The following ATP9A variants were observed in gnomAD, a reference collection of about 807,000 sequenced individuals.
The protein encoded by ATP9A is probable phospholipid-transporting ATPase IIA.
A neutral mutation model predicts 144.1 loss-of-function variants in ATP9A; 52 were observed. The ratio of observed to expected loss-of-function variants is 0.36; its 90% confidence interval spans 0.29 to 0.45. The LOEUF is 0.45. ATP9A is among the 20% of genes least tolerant of loss of function. The pLI, the probability that ATP9A is intolerant of heterozygous loss-of-function variation, is 1.00. For synonymous variants in ATP9A, 582 were observed against 557.4 expected, an observed-to-expected ratio of 1.04 and a Z score of -0.62; for missense variants, 947 against 1,392.7, an observed-to-expected ratio of 0.68 and a Z score of 5.09.
chr20:51,601,472 T>C, intron 27 of ATP9A, 125 bp from the exon 28 acceptor site: 3 of 1,009,996 alleles, frequency 3.0e-6, no homozygotes, highest in Non-Finnish European at 4.2e-6. Flanking sequence ...CACAGCCTCC[T>C]GGCATTGGCC....
chr20:51,615,443 C>T (rs2077199484), intron 22 of ATP9A, among the ~76,000 whole-genome samples: 1 of 144,318 alleles, frequency 6.9e-6, no homozygotes, highest in African/African-American at 2.5e-5. Flanking sequence ...ACAAAATGTA[C>T]AGTGTGTTTT....
chr20:51,752,794 A>G (rs1409482896), intron 1 of ATP9A, among the ~76,000 whole-genome samples: 1 of 152,178 alleles, frequency 6.6e-6, no homozygotes, highest in Non-Finnish European at 1.5e-5. Flanking sequence ...AGGAAGGGCC[A>G]GGATTCAGAA....
At chr20:51,712,406 C>T (rs2077643634) in intron 4 of ATP9A, among the ~76,000 whole-genome samples, 2 of 152,278 alleles carry the variant, frequency 1.3e-5, no homozygotes, top group South Asian at 2.1e-4. Flanking sequence ...GAGCCCAATA[C>T]ATATAACTCT....
Position 51,721,817 on chromosome 20 carries a change from A to AAG in ATP9A, c.327+4001_327+4002insCT, listed in dbSNP as rs1568835903. Among the ~76,000 whole-genome samples, 5 of 144,208 alleles carry AAG rather than the reference A, an allele frequency of 3.5e-5. 1 individual carries two copies. Among genetic ancestry groups the AAG allele is most frequent in the Admixed American group, 7.0e-5 (1 of 14,242 alleles). The allele number at this position is 144,208 out of a possible 152,430, so 94.6% of individuals were successfully genotyped here. A position where few individuals can be genotyped will look rare whatever the true frequency, so the allele number is the denominator to read the frequency against. On this transcript the variant is annotated intron_variant, in intron 3 of 27. Coordinates refer to ENST00000338821, the MANE Select transcript of ATP9A (RefSeq NM_006045.3). ...CTCCATCTCAAAAAAAAAAAAAAAG[A>AAG]AAAAGAAAAAAGAAAAAACAATTCT...
chr20:51,657,026 T>C lies in ATP9A; in HGVS notation c.1418A>G (p.Tyr473Cys). The C allele has an allele frequency of 1.2e-6, 2 of 1,614,224 alleles. No individual in the cohort carries two copies. The highest frequency in any genetic ancestry group is 1.7e-6 in the Non-Finnish European group (2 of 1,180,050). ...IALCHNVTPV[Y>C]ESNGVTDQAE... ...CTGATCAGTCACACCGTTGGACTCA[T>C]ACACGGGAGTCACGTTGTGGCAGAG... The change falls in exon 14 of 28, where the codon TAT becomes TGT. Residue 473 changes from tyrosine to cysteine, a missense_variant. This residue lies in a region of ATP9A where 770 missense variants were observed against 1,047.9 expected (regional missense o/e 0.73). Transcript: ENST00000338821.
At chr20:51,686,397 A>G (rs1016066347) in intron 9 of ATP9A, among the ~76,000 whole-genome samples, 1 of 152,120 alleles carries the variant, frequency 6.6e-6, no homozygotes, top group African/African-American at 2.4e-5. Context: ...GCAATAAAAA[A>G]TTTTAAATTT....
Position 51,681,901 on chromosome 20 carries a change from G to A in ATP9A, c.800-5693C>T, listed in dbSNP as rs180672133. The stretch of plus-strand genomic sequence containing the variant: ...AAATCACCAGATGAAAAACAAACAG[G>A]CATATGAAAATGCATTTATTACTGA... On this transcript the variant is annotated intron_variant, in intron 9 of 27. Transcript: ENST00000338821. 3.5e-4 allele frequency among the ~76,000 whole-genome samples: 53 copies of A among 152,230 alleles called. No individual in the cohort carries two copies. In the East Asian group the frequency reaches 5.6e-3, roughly 16 times the overall value.
At position 51,671,357 on chromosome 20, in the gene ATP9A, G is replaced by A. The variant is rs111505168; in HGVS notation, c.1038-100C>T. 4.6e-4 allele frequency: 641 copies of A among 1,380,764 alleles called. 3 individuals are homozygous for A. The African/African-American group carries it at 7.9e-3, about 17-fold the overall frequency. The allele number at this position is 1,380,764 out of a possible 1,614,324, so 85.5% of individuals were successfully genotyped here. On this transcript the variant is annotated intron_variant, in intron 11 of 27. Coordinates refer to ENST00000338821, the MANE Select transcript of ATP9A (RefSeq NM_006045.3). ...TCTAAACACATGTGCCATCGCATCC[G>A]GACTCACTCCCTGCAGAAGCACACT...
intron 3 of ATP9A, among the ~76,000 whole-genome samples, chr20:51,722,546 A>G (rs1002759405): frequency 5.9e-5 from 9 of 152,238 alleles, no homozygotes; most frequent in African/African-American, 2.2e-4. Context: ...TTGAATAGAC[A>G]ATTTTCAAAA....
intron 15 of ATP9A, among the ~76,000 whole-genome samples, chr20:51,633,130 C>T (rs2426325): frequency 0.43 from 65,334 of 151,852 alleles, 15,085 homozygotes; most frequent in East Asian, 0.68. Context: ...TCTCAAAAAA[C>T]AAAAACAAAA....
At chr20:51,733,780 C>T (rs1404129458) in intron 1 of ATP9A, among the ~76,000 whole-genome samples, 1 of 151,932 alleles carries the variant, frequency 6.6e-6, no homozygotes, top group Non-Finnish European at 1.5e-5. Flanking sequence ...CTGAAGCAAT[C>T]CTCTTACCTT....
intron 14 of ATP9A, 110 bp from the exon 15 acceptor site, chr20:51,639,614 T>A: frequency 8.5e-7 from 1 of 1,172,830 alleles, no homozygotes; most frequent in Non-Finnish European, 1.2e-6. Flanking sequence ...GGAATCACAG[T>A]AGTCACTGCC....
intron 19 of ATP9A, 95 bp downstream of exon 19, chr20:51,621,979 G>A (rs1601062139): frequency 1.6e-5 from 17 of 1,075,510 alleles, no homozygotes; most frequent in Middle Eastern, 2.1e-4. Context: ...TTCACATGCT[G>A]CCCCTCCCTT....
intron 19 of ATP9A, among the ~76,000 whole-genome samples, chr20:51,619,944 CATTT>C (rs1183743986): frequency 4.0e-5 from 6 of 150,412 alleles, no homozygotes; most frequent in African/African-American, 1.5e-4. Flanking sequence ...GGATTTTTCT[CATTT>C]ATTTCTCACA....
intron 12 of ATP9A, among the ~76,000 whole-genome samples, chr20:51,670,795 T>C (rs550912683): frequency 2.6e-4 from 40 of 152,278 alleles, no homozygotes; most frequent in African/African-American, 9.4e-4. Flanking sequence ...TCGGCTACTA[T>C]GCGCCCGTGA....
chr20:51,626,627 T>C (rs2077249830), intron 17 of ATP9A, among the ~76,000 whole-genome samples: 1 of 150,426 alleles, frequency 6.6e-6, no homozygotes, highest in South Asian at 2.1e-4. Flanking sequence ...CTGGGCAGCA[T>C]AGCGAGACCC....
intron 1 of ATP9A, among the ~76,000 whole-genome samples, chr20:51,757,333 T>A (rs2043437221): frequency 6.6e-6 from 1 of 152,118 alleles, no homozygotes; most frequent in South Asian, 2.1e-4. Flanking sequence ...CCTGACTTTA[T>A]CTCATCACTG....
At chr20:51,645,079 C>A (rs547935000) in intron 14 of ATP9A, among the ~76,000 whole-genome samples, 12 of 152,268 alleles carry the variant, frequency 7.9e-5, no homozygotes, top group African/African-American at 2.6e-4. Flanking sequence ...AAATGACAAA[C>A]GCTTTTGAGG....
intron 1 of ATP9A, among the ~76,000 whole-genome samples, chr20:51,747,115 T>TC (rs1282066716): frequency 5.7e-5 from 8 of 140,502 alleles, no homozygotes; most frequent in African/African-American, 7.9e-5. Flanking sequence ...TTTTTTTTTT[T>TC]CCTGTTTAAC....
Sources: allele counts gnomAD v4.1 joint callset (sites outside exome capture counted in the v4.1 genomes callset), GRCh38; gene constraint gnomAD v4.1.1; regional missense constraint gnomAD v4.1.1; transcripts MANE v1.5; gene names NCBI Gene and HGNC (gene_info 2026-07-23, HGNC 2026-07-21).